RORA: variants seen among roughly 807,000 people sequenced by gnomAD.
RORA encodes the protein RAR related orphan receptor A.
Under a neutral mutation model 69.5 loss-of-function variants are expected in RORA, and 7 were observed. That is an observed-to-expected ratio of 0.10 (90% CI 0.06 to 0.19). The LOEUF (loss-of-function observed/expected upper bound fraction) is 0.19. Among genes scored for constraint, RORA ranks in the 10% least tolerant of loss-of-function variants. RORA has a pLI of 1.00. For synonymous variants in RORA, 261 were observed against 240.8 expected (o/e 1.08, Z -0.78); for missense variants, 457 against 663.0 (o/e 0.69, Z 3.41).
intron 1 of RORA, among the ~76,000 whole-genome samples, chr15:60,756,430 A>G (rs949684318): frequency 2.0e-5 from 3 of 152,248 alleles, no homozygotes; most frequent in African/African-American, 7.2e-5. Flanking sequence ...AAAATTTGAA[A>G]AGTTTATAAA....
chr15:61,203,738 A>G (rs901891733), intron 1 of RORA, among the ~76,000 whole-genome samples: 2 of 152,248 alleles, frequency 1.3e-5, no homozygotes, highest in Non-Finnish European at 2.9e-5. Context: ...AAATAGATCC[A>G]TGCTTAAACA....
At chr15:61,059,715 A>G (rs1595930425) in intron 1 of RORA, among the ~76,000 whole-genome samples, 1 of 152,048 alleles carries the variant, frequency 6.6e-6, no homozygotes, top group East Asian at 1.9e-4. Flanking sequence ...GTCCCTAAAT[A>G]GGGCTCAGCC....
intron 1 of RORA, among the ~76,000 whole-genome samples, chr15:60,880,574 G>T (rs921558950): frequency 2.6e-5 from 4 of 152,142 alleles, no homozygotes; most frequent in Admixed American, 2.6e-4. Context: ...AGGAGGCGGA[G>T]GTTGCAGTGA....
At chr15:61,174,210 A>G (rs1323458340) in intron 1 of RORA, among the ~76,000 whole-genome samples, 1 of 152,116 alleles carries the variant, frequency 6.6e-6, no homozygotes, top group Non-Finnish European at 1.5e-5. Context: ...TCTCCTCTGG[A>G]AAGCCTTCTC....
intron 1 of RORA, among the ~76,000 whole-genome samples, chr15:60,761,798 A>T (rs1294309115): frequency 6.6e-6 from 1 of 152,208 alleles, no homozygotes; most frequent in Non-Finnish European, 1.5e-5. Flanking sequence ...TTGTTTAGAA[A>T]GCTCAGTCAG....
At position 60,634,638 on chromosome 15, in the gene RORA, C is replaced by T. The variant is rs1428690501; in HGVS notation, c.196+44019G>A. ...CAGGCTGGTCTCAATCTCTTGAGCT[C>T]GTGATCCACCTGCCTTGGCGTTCCA... On this transcript the variant is annotated intron_variant, in intron 2 of 10. Transcript: ENST00000335670. 1.3e-5 allele frequency among the ~76,000 whole-genome samples: 2 copies of T among 152,020 alleles called. 1 individual carries two copies. The highest frequency in any genetic ancestry group is 4.1e-4 in the South Asian group (2 of 4,822).
chr15:60,761,642 G>A (rs1176313585), intron 1 of RORA, among the ~76,000 whole-genome samples: 1 of 152,160 alleles, frequency 6.6e-6, no homozygotes, highest in Non-Finnish European at 1.5e-5. Flanking sequence ...GCCTGAGTAA[G>A]TAAAACTGAA....
intron 1 of RORA, among the ~76,000 whole-genome samples, chr15:61,051,396 C>G (rs1897283365): frequency 6.6e-6 from 1 of 152,186 alleles, no homozygotes; most frequent in African/African-American, 2.4e-5. Context: ...CACAAACTTG[C>G]AAGCCTGAGC....
chr15:61,052,218 C>T (rs1333306560), intron 1 of RORA, among the ~76,000 whole-genome samples: 2 of 152,330 alleles, frequency 1.3e-5, no homozygotes, highest in East Asian at 3.9e-4. Flanking sequence ...CACTCCCAAA[C>T]ACAGCAGTGG....
At chr15:60,567,411 TTA>T (rs1476630622) in intron 2 of RORA, among the ~76,000 whole-genome samples, 7 of 148,952 alleles carry the variant, frequency 4.7e-5, no homozygotes, top group African/African-American at 1.7e-4. Flanking sequence ...ATTATTATTA[TTA>T]TTATTTTTTT....
At chr15:60,634,137 T>C (rs947751386) in intron 2 of RORA, among the ~76,000 whole-genome samples, 1 of 152,224 alleles carries the variant, frequency 6.6e-6, no homozygotes, top group African/African-American at 2.4e-5. Flanking sequence ...GTGGGGTCTT[T>C]TTAATATTAT....
At chr15:60,965,882 CCT>C (rs1893542120) in intron 1 of RORA, among the ~76,000 whole-genome samples, 1 of 152,156 alleles carries the variant, frequency 6.6e-6, no homozygotes, top group Admixed American at 6.5e-5. Flanking sequence ...CAGTCCATTC[CCT>C]GTCCATGTGC....
At chr15:60,765,275 C>T (rs1228955468) in intron 1 of RORA, 1 of 152,052 alleles carries the variant, frequency 6.6e-6, no homozygotes, top group African/African-American at 2.4e-5. Context: ...CCCAGGATCC[C>T]CCACCAAACC....
At chr15:60,874,539 A>G (rs1263568858) in intron 1 of RORA, among the ~76,000 whole-genome samples, 1 of 152,210 alleles carries the variant, frequency 6.6e-6, no homozygotes, top group East Asian at 1.9e-4. Context: ...TGAAGGAATG[A>G]GTGTAGCTGT....
At chr15:60,881,174 T>C (rs1394318783) in intron 1 of RORA, among the ~76,000 whole-genome samples, 3 of 152,258 alleles carry the variant, frequency 2.0e-5, no homozygotes, top group Non-Finnish European at 2.9e-5. Flanking sequence ...CAGCCTCTGC[T>C]CTTGGACTGC....
chr15:61,160,451 T>A (rs2079484811), intron 1 of RORA, among the ~76,000 whole-genome samples: 1 of 151,566 alleles, frequency 6.6e-6, no homozygotes, highest in South Asian at 2.1e-4. Context: ...CTTATTGAGC[T>A]TTAATATTCA....
chr15:60,973,692 G>T (rs1294733151), intron 1 of RORA, among the ~76,000 whole-genome samples: 1 of 152,202 alleles, frequency 6.6e-6, no homozygotes, highest in Non-Finnish European at 1.5e-5. Context: ...GGCCCAGGGA[G>T]GAGGTGACAC....
At chr15:60,609,893 A>T (rs181648181) in intron 2 of RORA, among the ~76,000 whole-genome samples, 2 of 152,304 alleles carry the variant, frequency 1.3e-5, no homozygotes, top group Admixed American at 1.3e-4. Context: ...GACAGTGGAG[A>T]TGAAAGTAGG....
intron 1 of RORA, among the ~76,000 whole-genome samples, chr15:60,935,224 C>A (rs1194001942): frequency 1.3e-5 from 2 of 152,336 alleles, no homozygotes; most frequent in African/African-American, 4.8e-5. Flanking sequence ...CTGCACTACA[C>A]CAAATAACCC....
Sources: allele counts gnomAD v4.1 joint callset (sites outside exome capture counted in the v4.1 genomes callset), GRCh38; gene constraint gnomAD v4.1.1; transcripts MANE v1.5; gene names NCBI Gene and HGNC (gene_info 2026-07-23, HGNC 2026-07-21).